SCAF8: variants seen among roughly 807,000 people sequenced by gnomAD.
The protein encoded by SCAF8 is SR-related and CTD-associated factor 8.
Under a neutral mutation model 140.5 loss-of-function variants are expected in SCAF8, and 23 were observed. The ratio of observed to expected loss-of-function variants is 0.16; its 90% CI spans 0.12 to 0.23. SCAF8 has a LOEUF of 0.23. Among genes scored for constraint, SCAF8 ranks in the 10% least tolerant of loss-of-function variants. SCAF8 has a pLI of 1.00. For missense variants in SCAF8, 1,397 were observed against 1,555.7 expected, an observed-to-expected ratio of 0.90 and a Z score of 1.72; for synonymous variants, 575 against 528.9, an observed-to-expected ratio of 1.09 and a Z score of -1.20.
chr6:154,816,796 T>C (rs145828831), intron 13 of SCAF8, among the ~76,000 whole-genome samples: 201 of 152,324 alleles, frequency 1.3e-3, no homozygotes, highest in African/African-American at 4.7e-3. Flanking sequence ...AATTCTTTAT[T>C]TGAGTTGAGT....
intron 6 of SCAF8, among the ~76,000 whole-genome samples, chr6:154,800,341 T>C (rs977330521): frequency 6.6e-6 from 1 of 151,576 alleles, no homozygotes; most frequent in Non-Finnish European, 1.5e-5. Context: ...GAATGAATGA[T>C]GTACAAAAGC....
chr6:154,796,489 T>C (rs1777613948), intron 6 of SCAF8, among the ~76,000 whole-genome samples: 1 of 152,138 alleles, frequency 6.6e-6, no homozygotes, highest in South Asian at 2.1e-4. Context: ...GTGTAAACTA[T>C]TTCACAACTA....
intron 1 of SCAF8, among the ~76,000 whole-genome samples, chr6:154,772,300 T>A (rs1776791715): frequency 6.6e-6 from 1 of 152,234 alleles, no homozygotes; most frequent in Non-Finnish European, 1.5e-5. Flanking sequence ...TCTCTGCATA[T>A]AATAGAAGTT....
intron 1 of SCAF8, among the ~76,000 whole-genome samples, chr6:154,754,066 A>T (rs931595185): frequency 2.0e-5 from 3 of 152,312 alleles, no homozygotes; most frequent in African/African-American, 7.2e-5. Context: ...CATTAGGAGA[A>T]AGGTGGAGTT....
chr6:154,776,148 T>C (rs2114849479), intron 2 of SCAF8, among the ~76,000 whole-genome samples: 1 of 152,228 alleles, frequency 6.6e-6, no homozygotes, highest in Admixed American at 6.5e-5. Flanking sequence ...TCAACCCTGC[T>C]TTTTCATAAT....
rs984679984 is a variant in SCAF8 at position 154,778,653 on chromosome 6, A to C, written c.159+608A>C. Among the ~76,000 whole-genome samples, 11 of 152,084 alleles carry C rather than the reference A, an allele frequency of 7.2e-5. 1 individual carries two copies. Among genetic ancestry groups the C allele is most frequent in the Non-Finnish European group, 1.3e-4 (9 of 67,998 alleles). ...GTAGTGCATGCCTGTAATCCCAGCT[A>C]CTTGGGAGGCTGAGGCACAAGAATT... On this transcript the variant is annotated intron_variant, in intron 3 of 19. Coordinates refer to ENST00000367178, the MANE Select transcript of SCAF8 (RefSeq NM_014892.5).
At chr6:154,764,754 A>G (rs1472104499) in intron 1 of SCAF8, among the ~76,000 whole-genome samples, 2 of 152,224 alleles carry the variant, frequency 1.3e-5, no homozygotes, top group Non-Finnish European at 2.9e-5. Flanking sequence ...AGATGGAATC[A>G]GCAGGCAAAG....
intron 13 of SCAF8, among the ~76,000 whole-genome samples, chr6:154,817,097 A>G (rs1472342642): frequency 6.6e-6 from 1 of 151,930 alleles, no homozygotes; most frequent in Admixed American, 6.5e-5. Context: ...CTTTCTCTGA[A>G]GTTTCTTTCT....
At chr6:154,810,621 G>T (rs1778062526) in intron 12 of SCAF8, among the ~76,000 whole-genome samples, 1 of 152,138 alleles carries the variant, frequency 6.6e-6, no homozygotes, top group Non-Finnish European at 1.5e-5. Context: ...AATGTTAATG[G>T]GTTAGCACTA....
At chr6:154,780,772 T>C (rs188172907) in intron 3 of SCAF8, among the ~76,000 whole-genome samples, 2,376 of 152,300 alleles carry the variant, frequency 0.016, 36 homozygotes, top group South Asian at 0.055. Context: ...CAGTCTATCA[T>C]TGATGGGCAT....
chr6:154,774,157 T>C, intron 2 of SCAF8, 85 bp downstream of exon 2: 3 of 925,870 alleles, frequency 3.2e-6, no homozygotes, highest in Admixed American at 2.0e-5. Context: ...TTATGGATTA[T>C]ATGTTCTTTT....
At chr6:154,763,070 T>C (rs138253152) in intron 1 of SCAF8, among the ~76,000 whole-genome samples, 69 of 152,336 alleles carry the variant, frequency 4.5e-4, no homozygotes, top group African/African-American at 1.4e-3. Flanking sequence ...TTATAACTTA[T>C]GGTTTTCTTC....
At chr6:154,823,391 C>G (rs946321807) in intron 16 of SCAF8, among the ~76,000 whole-genome samples, 1 of 152,140 alleles carries the variant, frequency 6.6e-6, no homozygotes, top group African/African-American at 2.4e-5. Context: ...TTGTAGCAAT[C>G]CAGATGAGAG....
chr6:154,799,775 CTATTTATT>C lies in SCAF8; in HGVS notation c.607-2177_607-2170del, dbSNP rs376273596. ...ACTTTAATAAGGCCTTCAGTGACTG[CTATTTATT>C]TATTTATTTATTTATTTAGAGACAG... On this transcript the variant is annotated intron_variant, in intron 6 of 19. Coordinates refer to ENST00000367178, the MANE Select transcript of SCAF8 (RefSeq NM_014892.5). Among the ~76,000 whole-genome samples the C allele has an allele frequency of 9.6e-3, 1,444 of 150,486 alleles. 29 individuals are homozygous for C. Among genetic ancestry groups the C allele is most frequent in the African/African-American group, 0.033 (1,368 of 41,222 alleles).
chr6:154,782,615 G>A (rs1777117859), intron 3 of SCAF8, among the ~76,000 whole-genome samples: 1 of 151,996 alleles, frequency 6.6e-6, no homozygotes, highest in African/African-American at 2.4e-5. Context: ...ATATATACAG[G>A]GGAGTTTATT....
intron 7 of SCAF8, 125 bp downstream of exon 7, chr6:154,802,272 A>G: frequency 1.9e-6 from 1 of 533,102 alleles, no homozygotes; most frequent in East Asian, 3.6e-5. Context: ...TGTATAAGAC[A>G]GTCTGAATTT....
intron 1 of SCAF8, among the ~76,000 whole-genome samples, chr6:154,740,218 A>G (rs1562420525): frequency 6.6e-6 from 1 of 152,222 alleles, no homozygotes; most frequent in Non-Finnish European, 1.5e-5. Context: ...TATCTTGGGA[A>G]CTATTGATAT....
At position 154,819,092 on chromosome 6, in the gene SCAF8, A is replaced by G. The variant is rs574978363; in HGVS notation, c.1635+500A>G. On this transcript the variant is annotated intron_variant, in intron 14 of 19. Transcript: ENST00000367178. Reference sequence around the variant, plus strand: ...AATCTTTATACTGAGAGTTTTTTTAATATCTTTCCATTACTTTCTATGATT... The same window carrying G: ...AATCTTTATACTGAGAGTTTTTTTAGTATCTTTCCATTACTTTCTATGATT... 2.3e-3 allele frequency among the ~76,000 whole-genome samples: 349 copies of G among 152,174 alleles called. 1 individual carries two copies. Among genetic ancestry groups the G allele is most frequent in the African/African-American group, 8.2e-3 (340 of 41,508 alleles).
At position 154,832,302 on chromosome 6, in the gene SCAF8, T is replaced by C. The variant is rs368020795; in HGVS notation, c.2723T>C (p.Leu908Ser). 2 of 1,614,030 alleles carry C rather than the reference T, an allele frequency of 1.2e-6. No individual in the cohort carries two copies. The highest frequency in any genetic ancestry group is 1.3e-5 in the African/African-American group (1 of 75,018). ...GTQPPAGPQNLPPLSIPNQRM... is the reference protein window; with the variant it reads ...GTQPPAGPQNSPPLSIPNQRM... Reference sequence around the variant, plus strand: ...CAGCCACCAGCTGGACCTCAAAACTTACCCCCTTTAAGTATCCCTAATCAA... The same window carrying C: ...CAGCCACCAGCTGGACCTCAAAACTCACCCCCTTTAAGTATCCCTAATCAA... Residue 908 changes from leucine to serine, a missense_variant, in exon 20 of 20, where the codon TTA (leucine) becomes TCA (serine). By Grantham distance (145) the Leu-to-Ser change is moderately radical. This residue lies in a region of SCAF8 where 930 missense variants were observed against 874.6 expected (regional missense o/e 1.06). Coordinates refer to ENST00000367178, the MANE Select transcript of SCAF8 (RefSeq NM_014892.5).
Sources: gnomAD v4.1 joint callset for allele counts (sites outside exome capture counted in the v4.1 genomes callset) on GRCh38, gnomAD v4.1.1 for gene constraint, gnomAD v4.1.1 regional missense constraint, MANE v1.5 for transcripts, NCBI Gene and HGNC (gene_info 2026-07-23, HGNC 2026-07-21) for gene names.